The following KCNN4 variants were observed in gnomAD, a reference collection of about 807,000 sequenced individuals.
KCNN4 encodes the protein potassium calcium-activated channel subfamily N member 4, also known as intermediate conductance calcium-activated potassium channel protein 4.
KCNN4 carries 31 observed loss-of-function variants against 45.2 expected under a neutral mutation model. That is an observed-to-expected ratio of 0.69 (90% CI 0.52 to 0.92). The LOEUF is 0.92. Ranked by LOEUF, KCNN4 falls within the 40% of genes least tolerant of loss-of-function variation. KCNN4 has a pLI of 0.00. For missense variants in KCNN4, 463 were observed against 574.0 expected (o/e 0.81, Z 1.98); for synonymous variants, 231 against 254.6 (o/e 0.91, Z 0.88).
chr19:43,767,289 C>CAG (rs141346629), intron 8 of KCNN4, 200 bp from the exon 9 acceptor site: 210 of 476,732 alleles, frequency 4.4e-4, no homozygotes, highest in African/African-American at 1.2e-3. Flanking sequence ...CCAGGACAGG[C>CAG]AGAGAGAGAG....
Position 43,774,624 on chromosome 19 carries a change from C to T in KCNN4, c.256-5G>A, listed in dbSNP as rs774352151. On this transcript the variant is annotated splice_polypyrimidine_tract_variant and splice_region_variant and intron_variant, in intron 2 of 8. Transcript: ENST00000648319. This position sits in a 1 kb window ranked among gnomAD's most constrained non-coding sequence, Gnocchi z 5.6. ...CCCGTTGTCGGTCATGAACAGCTGC[C>T]GGTAGGGGGCCAAGAAGGGAGGGGT... The T allele has an allele frequency of 1.3e-6, 2 of 1,490,600 alleles. No individual in the cohort carries two copies. The highest frequency in any genetic ancestry group is 2.3e-5 in the Admixed American group (1 of 43,094). The allele number at this position is 1,490,600 out of a possible 1,614,324, so 92.3% of individuals were successfully genotyped here.
intron 2 of KCNN4, 146 bp downstream of exon 2, chr19:43,776,395 C>G (rs933102552): frequency 3.1e-5 from 20 of 637,656 alleles, no homozygotes; most frequent in Admixed American, 5.1e-5. Context: ...TTCATCCCAT[C>G]TGGGTAGGTG....
rs954068767 is a variant in KCNN4 at position 43,767,628 on chromosome 19, G to T, written c.1199C>A (p.Ala400Glu). The T allele has an allele frequency of 1.1e-5, 18 of 1,614,112 alleles. No homozygotes were observed. The highest frequency in any genetic ancestry group is 1.4e-5 in the Non-Finnish European group (17 of 1,180,020). ...RALEKQIDTLAGKLDALTELL... is the reference protein window; with the variant it reads ...RALEKQIDTLEGKLDALTELL... ...CTCAGTCAGGGCATCCAGCTTCCCC[G>T]CCAGCGTGTCAATCTGTTTCTCCAG... Residue 400 changes from alanine (A) to glutamate (E), a missense_variant, in exon 8 of 9, where the codon GCG (alanine) becomes GAG (glutamate). Ala to Glu is a moderately radical substitution (Grantham distance 107). This residue lies in a region of KCNN4 where 129 missense variants were observed against 149.4 expected (regional missense o/e 0.86). Transcript: ENST00000648319.
intron 4 of KCNN4, among the ~76,000 whole-genome samples, chr19:43,770,784 C>A (rs1418460903): frequency 6.6e-6 from 1 of 152,216 alleles, no homozygotes; most frequent in Non-Finnish European, 1.5e-5. Flanking sequence ...ATGGCCCAAC[C>A]ATGCCATGGA....
rs1969487483 is a variant in KCNN4, at chr19:43,766,696, T to A, written c.*397A>T. On this transcript the variant is annotated 3_prime_UTR_variant, in exon 9 of 9. Transcript: ENST00000648319. Reference sequence around the variant, plus strand: ...CCGCCCCAGCCTCATACCCAGTTCTTCAGCTCGGCCAGCGGTAACTGAAGC... The same window carrying A: ...CCGCCCCAGCCTCATACCCAGTTCTACAGCTCGGCCAGCGGTAACTGAAGC... The A allele has an allele frequency of 6.6e-6, 1 of 152,546 alleles. No homozygotes were observed. The highest frequency in any genetic ancestry group is 1.5e-5 in the Non-Finnish European group (1 of 68,072). 9.4% of individuals were successfully genotyped at this position (152,546 alleles called of 1,614,324 possible). A position where few individuals can be genotyped will look rare whatever the true frequency, so the allele number is the denominator to read the frequency against.
At chr19:43,767,447 C>T in intron 8 of KCNN4, 93 bp downstream of exon 8, 4 of 1,456,642 alleles carry the variant, frequency 2.7e-6, no homozygotes, top group Non-Finnish European at 3.7e-6. Flanking sequence ...GCCTTGTCTC[C>T]CAGCCATCCC....
Position 43,780,878 on chromosome 19 carries a change from G to A in KCNN4, c.-17C>T. The A allele has an allele frequency of 6.2e-7, 1 of 1,612,794 alleles. No individual in the cohort carries two copies. Among genetic ancestry groups the A allele is most frequent in the Non-Finnish European group, 8.5e-7 (1 of 1,179,396 alleles). Reference sequence around the variant, plus strand: ...CCCGCCCATGGCCCCCGGGGTCTTGGGGCTCAGCCAGCTTCCTGCCCAGGG... The same window carrying A: ...CCCGCCCATGGCCCCCGGGGTCTTGAGGCTCAGCCAGCTTCCTGCCCAGGG... On this transcript the variant is annotated 5_prime_UTR_variant, in exon 1 of 9. Transcript: ENST00000648319.
At chr19:43,771,217 G>A (rs913949751) in intron 4 of KCNN4, among the ~76,000 whole-genome samples, 3 of 152,112 alleles carry the variant, frequency 2.0e-5, no homozygotes, top group African/African-American at 7.2e-5. Flanking sequence ...GGCTGACTCA[G>A]GCTGCAGAGC....
intron 3 of KCNN4, among the ~76,000 whole-genome samples, chr19:43,773,015 T>A (rs1020571432): frequency 6.6e-6 from 1 of 152,216 alleles, no homozygotes; most frequent in Non-Finnish European, 1.5e-5. Flanking sequence ...TGAAGGAGTT[T>A]AAACTCATGA....
chr19:43,767,607 G>T lies in KCNN4; in HGVS notation c.1220C>A (p.Thr407Asn). 1 of 1,614,168 alleles carries T rather than the reference G, an allele frequency of 6.2e-7. No homozygotes were observed. The highest frequency in any genetic ancestry group is 2.2e-5 in the East Asian group (1 of 44,876). The stretch of plus-strand genomic sequence containing the variant: ...CCCCAGGGCAGTGCTAAGCAGCTCA[G>T]TCAGGGCATCCAGCTTCCCCGCCAG... ...DTLAGKLDALTELLSTALGPR... is the reference protein window; with the variant it reads ...DTLAGKLDALNELLSTALGPR... The change falls in exon 8 of 9, where the codon ACT (threonine) becomes AAT (asparagine). Residue 407 changes from threonine (T) to asparagine (N), a missense_variant. Transcript: ENST00000648319.
chr19:43,776,127 CAAAAAAAAAA>C (rs59704354), intron 2 of KCNN4, among the ~76,000 whole-genome samples: 4 of 40,966 alleles, frequency 9.8e-5, no homozygotes, highest in Non-Finnish European at 1.2e-4. Context: ...GACCTTGTCT[CAAAAAAAAAA>C]AAAAAAAAAA....
Position 43,769,975 on chromosome 19 carries a change from C to CA in KCNN4, c.820-147dup. On this transcript the variant is annotated intron_variant, in intron 4 of 8. Coordinates refer to ENST00000648319, the MANE Select transcript of KCNN4 (RefSeq NM_002250.3). The surrounding 1 kb of genome is among the most constrained non-coding windows in gnomAD (Gnocchi z 4.4). ...AGAGAGGAGAGCCAAGGTCCCAGCT[C>CA]AGAGCGGTGGAGCTAGAATCATAAA... 1 of 619,874 alleles carries CA rather than the reference C, an allele frequency of 1.6e-6. No homozygotes were observed. Among genetic ancestry groups the CA allele is most frequent in the East Asian group, 2.7e-5 (1 of 36,994 alleles). The allele number at this position is 619,874 out of a possible 1,614,324, so 38.4% of individuals were successfully genotyped here.
chr19:43,773,193 A>C (rs1309676356), intron 3 of KCNN4, among the ~76,000 whole-genome samples: 2 of 152,260 alleles, frequency 1.3e-5, no homozygotes, highest in African/African-American at 4.8e-5. Context: ...GCCACTAGGG[A>C]GGCTGAGGCA....
chr19:43,780,100 C>A (rs2146472573), intron 1 of KCNN4, among the ~76,000 whole-genome samples: 1 of 152,184 alleles, frequency 6.6e-6, no homozygotes, highest in South Asian at 2.1e-4. Flanking sequence ...CCTCCACTCT[C>A]CCTTCACCAA....
chr19:43,778,052 A>T (rs900341479), intron 1 of KCNN4, among the ~76,000 whole-genome samples: 4 of 150,110 alleles, frequency 2.7e-5, no homozygotes, highest in Non-Finnish European at 5.9e-5. Context: ...TGCCCACACC[A>T]CTAGACAACA....
intron 2 of KCNN4, among the ~76,000 whole-genome samples, chr19:43,775,271 G>T (rs1233180175): frequency 6.6e-6 from 1 of 152,206 alleles, no homozygotes; most frequent in Non-Finnish European, 1.5e-5. Context: ...AGGTTGCAGT[G>T]AGCTGAGGTC....
In KCNN4 at chr19:43,769,683, G is replaced by A. The variant is rs1206647483; in HGVS notation, c.930+36C>T. 3 of 1,576,442 alleles carry A rather than the reference G, an allele frequency of 1.9e-6. No individual in the cohort carries two copies. Among genetic ancestry groups the A allele is most frequent in the Admixed American group, 1.7e-5 (1 of 59,798 alleles). On this transcript the variant is annotated intron_variant, in intron 5 of 8. Transcript: ENST00000648319. This position sits in a 1 kb window ranked among gnomAD's most constrained non-coding sequence, Gnocchi z 4.4. Reference sequence around the variant, plus strand: ...GCGCCTGGACTCCTGCTTCTTGGAAGAGGGGTGTCCCATGGGTGCCATATG... The same window carrying A: ...GCGCCTGGACTCCTGCTTCTTGGAAAAGGGGTGTCCCATGGGTGCCATATG...
chr19:43,775,955 C>T (rs1045092075), intron 2 of KCNN4, among the ~76,000 whole-genome samples: 3 of 151,696 alleles, frequency 2.0e-5, no homozygotes, highest in Non-Finnish European at 2.9e-5. Flanking sequence ...AGTGAAACCC[C>T]GTTTCTACTA....
chr19:43,780,702 C>G lies in KCNN4; in HGVS notation c.159+1G>C. On this transcript the variant is annotated splice_donor_variant, in intron 1 of 8. Transcript: ENST00000648319. LOFTEE classifies it high-confidence loss of function. ...GCTCCCAGCCACCATGCCCCACTCA[C>G]CGAGCACCCCCCGAACCACAGCATC... The G allele has an allele frequency of 6.2e-7, 1 of 1,612,732 alleles. No individual in the cohort carries two copies. Among genetic ancestry groups the G allele is most frequent in the Non-Finnish European group, 8.5e-7 (1 of 1,179,428 alleles).
Sources: allele counts gnomAD v4.1 joint callset (sites outside exome capture counted in the v4.1 genomes callset), GRCh38; gene constraint gnomAD v4.1.1; regional missense constraint gnomAD v4.1.1; non-coding constraint Gnocchi (gnomAD v3.1); transcripts MANE v1.5; gene names NCBI Gene and HGNC (gene_info 2026-07-23, HGNC 2026-07-21).